Variants in SEMA5A observed in about 807,000 individuals in gnomAD.
The protein encoded by SEMA5A is semaphorin 5A.
Under a neutral mutation model 135.5 loss-of-function variants are expected in SEMA5A, and 55 were observed. The ratio of observed to expected loss-of-function variants is 0.41; its 90% confidence interval spans 0.33 to 0.51. SEMA5A has a LOEUF of 0.51. Ranked by LOEUF, SEMA5A falls within the 20% of genes least tolerant of loss-of-function variation. The pLI is 0.37. For synonymous variants in SEMA5A, 580 were observed against 546.5 expected (o/e 1.06, Z -0.85); for missense variants, 1,290 against 1,419.9 (o/e 0.91, Z 1.47).
At chr5:9,279,702 T>C (rs114635412) in intron 5 of SEMA5A, among the ~76,000 whole-genome samples, 1 of 152,018 alleles carries the variant, frequency 6.6e-6, no homozygotes, top group Non-Finnish European at 1.5e-5. Context: ...TCTCATGAGA[T>C]CTGATGGTTT....
intron 21 of SEMA5A, among the ~76,000 whole-genome samples, 174 bp downstream of exon 21, chr5:9,050,236 A>G (rs1229324094): frequency 6.6e-5 from 10 of 152,296 alleles, no homozygotes; most frequent in African/African-American, 2.4e-4. Flanking sequence ...CGATCGGTAC[A>G]TCAAATATTG....
chr5:9,080,402 T>C (rs1579355132), intron 16 of SEMA5A, among the ~76,000 whole-genome samples: 1 of 151,680 alleles, frequency 6.6e-6, no homozygotes, highest in East Asian at 1.9e-4. Context: ...CGGTTGGGGG[T>C]GGCTAGGGGA....
chr5:9,421,513 C>T (rs888862989), intron 2 of SEMA5A, among the ~76,000 whole-genome samples: 2 of 152,062 alleles, frequency 1.3e-5, no homozygotes, highest in Non-Finnish European at 2.9e-5. Flanking sequence ...ATATTATATA[C>T]GGGTGTTTTT....
At chr5:9,070,886 C>T (rs962600184) in intron 16 of SEMA5A, among the ~76,000 whole-genome samples, 2 of 152,146 alleles carry the variant, frequency 1.3e-5, no homozygotes, top group African/African-American at 4.8e-5. Context: ...TGAGCAAAAT[C>T]ATGAAGTGAT....
intron 2 of SEMA5A, among the ~76,000 whole-genome samples, chr5:9,428,135 T>TCTAC (rs1757730565): frequency 8.0e-6 from 1 of 124,314 alleles, no homozygotes; most frequent in African/African-American, 3.6e-5. Context: ...TATCTATCTA[T>TCTAC]CTATCTATCT....
chr5:9,051,951 G>A lies in SEMA5A; in HGVS notation c.2767C>T (p.Leu923=). The A allele has an allele frequency of 6.2e-7, 1 of 1,614,200 alleles. No individual in the cohort carries two copies. Among genetic ancestry groups the A allele is most frequent in the Non-Finnish European group, 8.5e-7 (1 of 1,180,034 alleles). The change falls in exon 20 of 23, where the codon CTG becomes TTG. Residue 923 remains leucine, a synonymous_variant. Coordinates refer to ENST00000382496, the MANE Select transcript of SEMA5A (RefSeq NM_003966.3). The part of the protein sequence containing the change: ...VQVRARQCIL[L]FPMGSQCSGN... ...GAGCACTGGCTGCCCATGGGGAACAGGAGGATGCACTGGCGGGCGCGGACT... is the reference window on the plus strand; with the variant it reads ...GAGCACTGGCTGCCCATGGGGAACAAGAGGATGCACTGGCGGGCGCGGACT...
chr5:9,047,556 AT>A (rs1163489447), intron 21 of SEMA5A, among the ~76,000 whole-genome samples: 1 of 152,136 alleles, frequency 6.6e-6, no homozygotes, highest in African/African-American at 2.4e-5. Context: ...TCTGCTGTTG[AT>A]TTTGATCAGT....
At chr5:9,544,092 C>T (rs567624130) in intron 1 of SEMA5A, among the ~76,000 whole-genome samples, 32 of 152,168 alleles carry the variant, frequency 2.1e-4, no homozygotes, top group African/African-American at 6.5e-4. Context: ...TTATTAAAGC[C>T]TGGTTTTGTG....
At chr5:9,112,691 C>T (rs1740304070) in intron 15 of SEMA5A, among the ~76,000 whole-genome samples, 1 of 152,168 alleles carries the variant, frequency 6.6e-6, no homozygotes, top group South Asian at 2.1e-4. Context: ...TTTGAGAATG[C>T]ATTGGACAGG....
Position 9,035,907 on chromosome 5 carries a change from G to A in SEMA5A, c.*6990C>T, listed in dbSNP as rs2150006639. On this transcript the variant is annotated 3_prime_UTR_variant, in exon 23 of 23. Transcript: ENST00000382496. ...TCTTTTAAAATTAAATTTAAGATCAGTAACTGTCTGCAAGCTTACCAAGGG... is the reference window on the plus strand; with the variant it reads ...TCTTTTAAAATTAAATTTAAGATCAATAACTGTCTGCAAGCTTACCAAGGG... 7.6e-6 allele frequency: 1 copy of A among 131,040 alleles called. No individual in the cohort carries two copies. The highest frequency in any genetic ancestry group is 2.9e-5 in the African/African-American group (1 of 34,946). 8.1% of individuals were successfully genotyped at this position (131,040 alleles called of 1,614,324 possible).
chr5:9,318,573 G>A (rs530849245), intron 4 of SEMA5A, among the ~76,000 whole-genome samples, 156 bp from the exon 5 acceptor site: 1 of 152,164 alleles, frequency 6.6e-6, no homozygotes, highest in Non-Finnish European at 1.5e-5. Context: ...GGATCTTAGA[G>A]TACAAAGAGG....
chr5:9,065,316 G>C (rs1386954443), intron 17 of SEMA5A, among the ~76,000 whole-genome samples: 2 of 152,168 alleles, frequency 1.3e-5, no homozygotes, highest in East Asian at 3.9e-4. Flanking sequence ...TGTGACACGA[G>C]AGCAGCTGGT....
chr5:9,083,476 C>G (rs1561135456), intron 16 of SEMA5A, among the ~76,000 whole-genome samples: 1 of 152,154 alleles, frequency 6.6e-6, no homozygotes, highest in Non-Finnish European at 1.5e-5. Flanking sequence ...ATAATTTAAA[C>G]ACGTACATGT....
At chr5:9,483,699 C>T (rs1035556856) in intron 1 of SEMA5A, among the ~76,000 whole-genome samples, 4 of 152,012 alleles carry the variant, frequency 2.6e-5, no homozygotes, top group South Asian at 4.1e-4. Flanking sequence ...ACCTGCCAAC[C>T]GAGCCTTTGA....
rs955694003 is a variant in SEMA5A, at chr5:9,037,492, A to G, written c.*5405T>C. 6.6e-6 allele frequency: 1 copy of G among 152,230 alleles called. No homozygotes were observed. The highest frequency in any genetic ancestry group is 2.4e-5 in the African/African-American group (1 of 41,462). The allele number at this position is 152,230 out of a possible 1,614,324, so 9.4% of individuals were successfully genotyped here. On this transcript the variant is annotated 3_prime_UTR_variant, in exon 23 of 23. Coordinates refer to ENST00000382496, the MANE Select transcript of SEMA5A (RefSeq NM_003966.3). ...TGTAACATGTATCAAATTTCTGATA[A>G]TGCAACAGATGACCACTGAGTATAT... is the stretch of plus-strand genomic sequence containing the variant.
chr5:9,113,387 C>T (rs1040013539), intron 15 of SEMA5A, among the ~76,000 whole-genome samples: 1 of 152,040 alleles, frequency 6.6e-6, no homozygotes, highest in Non-Finnish European at 1.5e-5. Flanking sequence ...ACTTAAAGGA[C>T]ATGGCCAGTA....
chr5:9,051,801 G>A lies in SEMA5A; in HGVS notation c.2845+72C>T. ...CACCAAATAAGCCAAATAAAACTCT[G>A]ACCTATGAATCATTTTCTCTCTCCA... On this transcript the variant is annotated intron_variant, in intron 20 of 22. Transcript: ENST00000382496. 1.9e-6 allele frequency: 3 copies of A among 1,583,274 alleles called. 1 individual carries two copies. The South Asian group carries it at 3.4e-5, about 18-fold the overall frequency.
intron 5 of SEMA5A, among the ~76,000 whole-genome samples, chr5:9,304,174 T>G (rs1168075670): frequency 6.6e-6 from 1 of 152,158 alleles, no homozygotes; most frequent in African/African-American, 2.4e-5. Context: ...TATACCTATT[T>G]ATCTTTGTTG....
intron 12 of SEMA5A, among the ~76,000 whole-genome samples, chr5:9,137,221 T>C (rs927101200): frequency 5.9e-5 from 9 of 152,198 alleles, no homozygotes; most frequent in African/African-American, 2.2e-4. Context: ...ACATGAATAG[T>C]TCAAACTCAA....
Sources: gnomAD v4.1 joint callset for allele counts (sites outside exome capture counted in the v4.1 genomes callset) on GRCh38, gnomAD v4.1.1 for gene constraint, MANE v1.5 for transcripts, NCBI Gene and HGNC (gene_info 2026-07-23, HGNC 2026-07-21) for gene names.